Variants in FARP1 observed in about 807,000 individuals in gnomAD.
FARP1 encodes the protein FERM, ARH/RhoGEF and pleckstrin domain protein 1.
Under a neutral mutation model 128.8 loss-of-function variants are expected in FARP1, and 52 were observed. The ratio of observed to expected loss-of-function variants is 0.40; its 90% CI spans 0.32 to 0.51. The LOEUF (loss-of-function observed/expected upper bound fraction) is 0.51. FARP1 is among the 20% of genes least tolerant of loss of function. FARP1 has a pLI of 0.45. For missense variants in FARP1, 1,333 were observed against 1,367.9 expected (o/e 0.97, Z 0.40); for synonymous variants, 580 against 551.8 (o/e 1.05, Z -0.72).
chr13:98,254,920 CA>C lies in FARP1; in HGVS notation c.171+41509del, dbSNP rs1235132329. On this transcript the variant is annotated intron_variant, in intron 2 of 26. Transcript: ENST00000319562. ...GGCAAAGAAAAAGACATATTTACTACAAGATCCTTTTGTGGCATCTTCCTCT... is the reference window on the plus strand; with the variant it reads ...GGCAAAGAAAAAGACATATTTACTACAGATCCTTTTGTGGCATCTTCCTCT... Among the ~76,000 whole-genome samples the C allele has an allele frequency of 4.0e-5, 6 of 150,494 alleles. 1 individual carries two copies. Among genetic ancestry groups the C allele is most frequent in the East Asian group, 1.9e-4 (1 of 5,140 alleles).
At chr13:98,360,375 C>T (rs561774813) in intron 3 of FARP1, among the ~76,000 whole-genome samples, 2 of 152,294 alleles carry the variant, frequency 1.3e-5, no homozygotes, top group South Asian at 2.1e-4. Flanking sequence ...GGATTACAGG[C>T]GTGAGCGCTC....
chr13:98,168,377 G>A (rs886410756), intron 1 of FARP1, among the ~76,000 whole-genome samples: 3 of 152,066 alleles, frequency 2.0e-5, no homozygotes, highest in South Asian at 4.1e-4. Flanking sequence ...TTCCACATAT[G>A]TATCTAATTA....
chr13:98,409,694 C>T (rs923576538), intron 14 of FARP1, among the ~76,000 whole-genome samples, 169 bp downstream of exon 14: 4 of 152,188 alleles, frequency 2.6e-5, no homozygotes, highest in South Asian at 2.1e-4. Flanking sequence ...GCCACTGTCC[C>T]GACCATCCAT....
intron 5 of FARP1, among the ~76,000 whole-genome samples, chr13:98,370,436 A>G (rs1305771074): frequency 6.6e-6 from 1 of 152,096 alleles, no homozygotes; most frequent in African/African-American, 2.4e-5. Flanking sequence ...AGAAGCCACC[A>G]ATAGGTAGCA....
intron 2 of FARP1, chr13:98,245,260 T>C: frequency 8.1e-6 from 8 of 985,186 alleles, no homozygotes; most frequent in Non-Finnish European, 9.6e-6. Context: ...GGATTGTTAA[T>C]TGTAAAGCCA....
At chr13:98,303,942 CAG>C (rs990287955) in intron 2 of FARP1, among the ~76,000 whole-genome samples, 5 of 152,176 alleles carry the variant, frequency 3.3e-5, no homozygotes, top group African/African-American at 1.2e-4. Context: ...TTCCATTCAT[CAG>C]AGTTCACTCG....
chr13:98,307,509 G>T (rs1402127055), intron 2 of FARP1, among the ~76,000 whole-genome samples: 1 of 152,120 alleles, frequency 6.6e-6, no homozygotes, highest in Non-Finnish European at 1.5e-5. Flanking sequence ...GTGTCCCGAG[G>T]TGGTGTCGTG....
intron 3 of FARP1, among the ~76,000 whole-genome samples, chr13:98,354,384 A>T (rs80288690): frequency 0.024 from 3,615 of 152,326 alleles, 155 homozygotes; most frequent in African/African-American, 0.083. Context: ...AGTAGGATAG[A>T]TGAAAAGAGA....
chr13:98,428,327 G>A (rs1204758834), intron 17 of FARP1, among the ~76,000 whole-genome samples: 6 of 152,192 alleles, frequency 3.9e-5, no homozygotes, highest in Non-Finnish European at 7.3e-5. Flanking sequence ...TGCTTGGCAA[G>A]TGGGGACCTT....
chr13:98,362,172 G>T (rs1427467491), intron 3 of FARP1, among the ~76,000 whole-genome samples: 2 of 152,198 alleles, frequency 1.3e-5, no homozygotes, highest in Non-Finnish European at 1.5e-5. Context: ...GCTGAGGTGG[G>T]AGGATTGCCT....
Position 98,176,354 on chromosome 13 carries a change from G to C in FARP1, c.-24+32862G>C, listed in dbSNP as rs1283062198. ...GGGTTAAAGATGCCGCCGGTTGGCT[G>C]GTCACAGATGTAGCAGCGCGGGGTG... On this transcript the variant is annotated intron_variant, in intron 1 of 26. Transcript: ENST00000319562. This position sits in a 1 kb window ranked among gnomAD's most constrained non-coding sequence, Gnocchi z 6.2. 2 of 1,614,000 alleles carry C rather than the reference G, an allele frequency of 1.2e-6. No individual in the cohort carries two copies. Among genetic ancestry groups the C allele is most frequent in the African/African-American group, 2.7e-5 (2 of 74,936 alleles).
At chr13:98,217,871 G>T (rs1881176394) in intron 2 of FARP1, among the ~76,000 whole-genome samples, 1 of 152,178 alleles carries the variant, frequency 6.6e-6, no homozygotes, top group Admixed American at 6.5e-5. Context: ...TGACAGTTCT[G>T]CTCGGTCGTT....
At chr13:98,336,777 G>C (rs1376696524) in intron 2 of FARP1, among the ~76,000 whole-genome samples, 2 of 152,242 alleles carry the variant, frequency 1.3e-5, no homozygotes, top group Non-Finnish European at 2.9e-5. Flanking sequence ...CAGGGACACA[G>C]AGCATGGAGC....
intron 2 of FARP1, among the ~76,000 whole-genome samples, chr13:98,341,814 G>A (rs1019528696): frequency 2.0e-5 from 3 of 152,190 alleles, no homozygotes; most frequent in African/African-American, 7.2e-5. Flanking sequence ...CTTTAGGGTA[G>A]AACGTGGGTT....
chr13:98,178,169 ACC>A (rs1483615000), intron 1 of FARP1, among the ~76,000 whole-genome samples: 3 of 149,544 alleles, frequency 2.0e-5, no homozygotes, highest in Non-Finnish European at 3.0e-5. Flanking sequence ...AATTCCTGGT[ACC>A]TAAGATAATC....
intron 5 of FARP1, among the ~76,000 whole-genome samples, chr13:98,373,581 C>CAG (rs1889454363): frequency 1.4e-5 from 2 of 145,148 alleles, no homozygotes; most frequent in African/African-American, 5.0e-5. Flanking sequence ...CACACACACA[C>CAG]AGAAAGGGGG....
At chr13:98,294,891 C>T (rs1885593124) in intron 2 of FARP1, among the ~76,000 whole-genome samples, 2 of 151,882 alleles carry the variant, frequency 1.3e-5, no homozygotes, top group South Asian at 4.2e-4. Flanking sequence ...GTGGAGGGCA[C>T]CTGTAATTCC....
intron 2 of FARP1, among the ~76,000 whole-genome samples, chr13:98,280,098 G>A (rs1156280842): frequency 1.3e-5 from 2 of 152,146 alleles, no homozygotes; most frequent in African/African-American, 4.8e-5. Context: ...TCTGCCTGCA[G>A]TGCCCGTGGC....
At chr13:98,383,982 C>T (rs1282262580) in intron 6 of FARP1, 1 of 152,168 alleles carries the variant, frequency 6.6e-6, no homozygotes, top group African/African-American at 2.4e-5. Flanking sequence ...CATGATAAAG[C>T]ATTTGCGTTT....
Sources: allele counts gnomAD v4.1 joint callset (sites outside exome capture counted in the v4.1 genomes callset), GRCh38; gene constraint gnomAD v4.1.1; non-coding constraint Gnocchi (gnomAD v3.1); transcripts MANE v1.5; gene names NCBI Gene and HGNC (gene_info 2026-07-23, HGNC 2026-07-21).